Variants in LIX1 observed in about 807,000 individuals in gnomAD.
LIX1 encodes the protein limb and CNS expressed 1.
In LIX1, 24 loss-of-function variants were observed where a neutral mutation model predicts 33.4. That is an observed-to-expected ratio of 0.72 (90% CI 0.52 to 1.01). LIX1 has a LOEUF of 1.01. Ranked by LOEUF, LIX1 falls within the 50% of genes least tolerant of loss-of-function variation. The pLI is 0.00. For synonymous variants in LIX1, 124 were observed against 124.0 expected (o/e 1.00, Z 0.00); for missense variants, 311 against 339.2 (o/e 0.92, Z 0.65).
At chr5:97,125,318 CAAATTAG>C (rs1270915354) in intron 1 of LIX1, among the ~76,000 whole-genome samples, 1 of 152,206 alleles carries the variant, frequency 6.6e-6, no homozygotes, top group African/African-American at 2.4e-5. Flanking sequence ...AGTTCCAGAT[CAAATTAG>C]ATTGGTTTGT....
In LIX1 at chr5:97,093,692, G is replaced by A. The variant is rs1746192337; in HGVS notation, c.*1056C>T. On this transcript the variant is annotated 3_prime_UTR_variant, in exon 6 of 6. Transcript: ENST00000274382. ...TCAGTTGATTGACCCATATGGATGA[G>A]TTAAATAGAGATGGCAATGTCTTAT... 6.6e-6 allele frequency: 1 copy of A among 151,634 alleles called. No individual in the cohort carries two copies. Among genetic ancestry groups the A allele is most frequent in the Non-Finnish European group, 1.5e-5 (1 of 67,942 alleles). The allele number at this position is 151,634 out of a possible 1,614,324, so 9.4% of individuals were successfully genotyped here.
At chr5:97,111,931 A>G (rs1322422871) in intron 2 of LIX1, among the ~76,000 whole-genome samples, 3 of 152,356 alleles carry the variant, frequency 2.0e-5, no homozygotes, top group East Asian at 1.9e-4. Context: ...ACACATGTCT[A>G]TGCTCATTTT....
intron 5 of LIX1, 54 bp from the exon 6 acceptor site, chr5:97,095,089 C>A: frequency 4.0e-6 from 6 of 1,503,512 alleles, no homozygotes; most frequent in South Asian, 1.2e-5. Flanking sequence ...CAAAGGCACC[C>A]GTCCACATGC....
chr5:97,115,609 T>C (rs546308374), intron 2 of LIX1, among the ~76,000 whole-genome samples: 1 of 152,340 alleles, frequency 6.6e-6, no homozygotes, highest in African/African-American at 2.4e-5. Context: ...ACAGACTTTC[T>C]ACAGTTATTC....
intron 2 of LIX1, among the ~76,000 whole-genome samples, chr5:97,119,685 C>G (rs1036481226): frequency 2.6e-5 from 4 of 152,040 alleles, no homozygotes; most frequent in Non-Finnish European, 4.4e-5. Context: ...TCAGAGAAAT[C>G]AGCAAGAGGC....
intron 1 of LIX1, among the ~76,000 whole-genome samples, chr5:97,127,150 G>A (rs1747947027): frequency 6.6e-6 from 1 of 152,128 alleles, no homozygotes; most frequent in Non-Finnish European, 1.5e-5. Flanking sequence ...ACTAATGCCA[G>A]TAGCCTGTTA....
At chr5:97,110,518 G>A (rs998917903) in intron 2 of LIX1, among the ~76,000 whole-genome samples, 1 of 151,840 alleles carries the variant, frequency 6.6e-6, no homozygotes, top group Non-Finnish European at 1.5e-5. Flanking sequence ...GGCTACCTAC[G>A]CCTGCAACCT....
chr5:97,103,185 A>G, intron 4 of LIX1: 1 of 403,694 alleles, frequency 2.5e-6, no homozygotes, highest in Non-Finnish European at 4.8e-6. Context: ...TTAGATTGTT[A>G]TGAAAAAAAA....
intron 2 of LIX1, among the ~76,000 whole-genome samples, chr5:97,107,869 T>C (rs560726543): frequency 2.6e-5 from 4 of 151,838 alleles, no homozygotes; most frequent in African/African-American, 4.8e-5. Context: ...AGAAAAAAAA[T>C]GTAAGGAAAG....
At position 97,094,749 on chromosome 5, in the gene LIX1, T is replaced by C. The variant is rs1165609008; in HGVS notation, c.848A>G (p.Ter283TrpextTer35). ...LSLTALCGYH[*>W] ...GAGGGTACCCGGGGCTTGGCCTTGC[T>C]AGTGATAGCCACACAGGGCCGTAAG... The change falls in exon 6 of 6, where the codon TAG (stop) becomes TGG (tryptophan). Residue 283 changes from the stop codon to tryptophan, a stop_lost. Coordinates refer to ENST00000274382, the MANE Select transcript of LIX1 (RefSeq NM_153234.5). The C allele has an allele frequency of 6.2e-7, 1 of 1,612,644 alleles. No homozygotes were observed.
At chr5:97,103,176 T>C (rs999455586) in intron 4 of LIX1, 3 of 413,496 alleles carry the variant, frequency 7.3e-6, no homozygotes, top group African/African-American at 6.4e-5. Context: ...TGTTTAGTTT[T>C]AGATTGTTAT....
intron 2 of LIX1, among the ~76,000 whole-genome samples, chr5:97,108,731 C>G (rs1311384616): frequency 6.6e-6 from 1 of 152,116 alleles, no homozygotes; most frequent in Non-Finnish European, 1.5e-5. Context: ...GACTGTGCTT[C>G]TTAGAAACCT....
intron 2 of LIX1, among the ~76,000 whole-genome samples, chr5:97,112,737 T>C (rs1196416033): frequency 1.3e-5 from 2 of 151,482 alleles, no homozygotes; most frequent in East Asian, 1.9e-4. Flanking sequence ...TTTCATTTGC[T>C]GGTAGATTAT....
At chr5:97,129,016 T>G (rs575735763) in intron 1 of LIX1, among the ~76,000 whole-genome samples, 1 of 152,192 alleles carries the variant, frequency 6.6e-6, no homozygotes, top group Non-Finnish European at 1.5e-5. Flanking sequence ...ATGGAATGAA[T>G]AACTCCTTGG....
chr5:97,140,871 G>C (rs1748271956), intron 1 of LIX1, among the ~76,000 whole-genome samples: 1 of 152,116 alleles, frequency 6.6e-6, no homozygotes, highest in Non-Finnish European at 1.5e-5. Flanking sequence ...AATGCTCTCT[G>C]GTCAAATATA....
At chr5:97,111,462 C>T (rs1050898565) in intron 2 of LIX1, among the ~76,000 whole-genome samples, 7 of 151,880 alleles carry the variant, frequency 4.6e-5, no homozygotes, top group South Asian at 2.1e-4. Flanking sequence ...ACCATTTTTG[C>T]CTGAGCGTAG....
At chr5:97,134,914 A>G (rs904311817) in intron 1 of LIX1, among the ~76,000 whole-genome samples, 1 of 152,190 alleles carries the variant, frequency 6.6e-6, no homozygotes, top group Non-Finnish European at 1.5e-5. Flanking sequence ...GGACTGAGAC[A>G]GCTTGGAGTC....
Position 97,092,968 on chromosome 5 carries a change from C to A in LIX1, c.*1780G>T, listed in dbSNP as rs879175501. 1 of 152,250 alleles carries A rather than the reference C, an allele frequency of 6.6e-6. No individual in the cohort carries two copies. The highest frequency in any genetic ancestry group is 1.5e-5 in the Non-Finnish European group (1 of 68,012). The allele number at this position is 152,250 out of a possible 1,614,324, so 9.4% of individuals were successfully genotyped here. On this transcript the variant is annotated 3_prime_UTR_variant, in exon 6 of 6. Coordinates refer to ENST00000274382, the MANE Select transcript of LIX1 (RefSeq NM_153234.5). Reference sequence around the variant, plus strand: ...TTCAGGAATATAAGGGAATAAAGTTCTTTCGTGGGTGACATTTAGCCTCAT... The same window carrying A: ...TTCAGGAATATAAGGGAATAAAGTTATTTCGTGGGTGACATTTAGCCTCAT...
chr5:97,102,081 T>C (rs1458028029), intron 4 of LIX1: 2 of 152,166 alleles, frequency 1.3e-5, no homozygotes, highest in African/African-American at 2.4e-5. Context: ...ATTTTCTCTG[T>C]GGCAAAGCTA....
Sources: gnomAD v4.1 joint callset for allele counts (sites outside exome capture counted in the v4.1 genomes callset) on GRCh38, gnomAD v4.1.1 for gene constraint, MANE v1.5 for transcripts, NCBI Gene and HGNC (gene_info 2026-07-23, HGNC 2026-07-21) for gene names.